Variants in CCDC9 observed in about 807,000 individuals in gnomAD.
CCDC9 encodes coiled-coil domain containing 9, also known as coiled-coil domain-containing protein 9.
In CCDC9, 52 loss-of-function variants were observed where a neutral mutation model predicts 65.6. That is an observed-to-expected ratio of 0.79 (90% CI 0.63 to 1.00). CCDC9 has a LOEUF of 1.00. Ranked by LOEUF, CCDC9 falls within the 50% of genes least tolerant of loss-of-function variation. The pLI is 0.00. For missense variants in CCDC9, 834 were observed against 757.2 expected, an observed-to-expected ratio of 1.10 and a Z score of -1.19; for synonymous variants, 332 against 280.3, an observed-to-expected ratio of 1.18 and a Z score of -1.84.
rs2059115937 is a variant in CCDC9, at chr19:47,271,369, G to A, written c.1287G>A (p.Glu429=). 3 of 1,613,612 alleles carry A rather than the reference G, an allele frequency of 1.9e-6. No individual in the cohort carries two copies. The South Asian group carries it at 3.3e-5, about 18-fold the overall frequency. ...ATGAAGAATGGGAGGACATAAGTGA[G>A]GATGAGGAAGAGGAGGAGATCGAGG... ...EEDEEWEDIS[E]DEEEEEIEVE... Residue 429 remains glutamate, a synonymous_variant, in exon 12 of 12, where the codon GAG becomes GAA. Transcript: ENST00000221922.
chr19:47,264,814 C>A lies in CCDC9; in HGVS notation c.588C>A (p.Asp196Glu). ...CCAACCCAGTGCGGAACTTCCTGGA[C>A]GACCCCCGGCGACGCAGCGGGCCCC... ...LEPNPVRNFL[D>E]DPRRRSGPLE... Residue 196 changes from aspartate (D) to glutamate (E), a missense_variant, in exon 7 of 12, where the codon GAC (aspartate) becomes GAA (glutamate). Asp to Glu is a conservative substitution (Grantham distance 45, BLOSUM62 2). Transcript: ENST00000221922. 6.4e-7 allele frequency: 1 copy of A among 1,565,950 alleles called. No individual in the cohort carries two copies. The highest frequency in any genetic ancestry group is 1.2e-5 in the South Asian group (1 of 84,012).
At chr19:47,262,328 T>G (rs1164073355) in intron 5 of CCDC9, among the ~76,000 whole-genome samples, 1 of 151,604 alleles carries the variant, frequency 6.6e-6, no homozygotes, top group Non-Finnish European at 1.5e-5. Context: ...GCAATTCTTG[T>G]GCTTCAGCCT....
intron 1 of CCDC9, chr19:47,257,665 G>C (rs1411353298): frequency 6.5e-6 from 1 of 153,178 alleles, no homozygotes; most frequent in Non-Finnish European, 1.5e-5. Context: ...GTGAGTTCTG[G>C]GCCTGTGTAC....
intron 1 of CCDC9, 89 bp from the exon 2 acceptor site, chr19:47,258,241 G>A (rs2059023545): frequency 2.8e-6 from 2 of 711,082 alleles, no homozygotes; most frequent in Non-Finnish European, 4.9e-6. Flanking sequence ...GGTTTTTTGT[G>A]TATGGCTGTG....
rs557344038 is a variant in CCDC9 at position 47,267,391 on chromosome 19, G to A, written c.902+599G>A. The stretch of plus-strand genomic sequence containing the variant: ...CCTCCCGTGTTCAAGCAATTCTCCT[G>A]CCTCCGCCTCCTGAGCAGCTGGGGT... On this transcript the variant is annotated intron_variant, in intron 8 of 11. Coordinates refer to ENST00000221922, the MANE Select transcript of CCDC9 (RefSeq NM_015603.3). Among the ~76,000 whole-genome samples the A allele has an allele frequency of 1.2e-4, 19 of 152,258 alleles. No homozygotes were observed. The East Asian group carries it at 1.5e-3, about 12-fold the overall frequency.
Position 47,264,459 on chromosome 19 carries a change from C to T in CCDC9, c.463-144C>T, listed in dbSNP as rs538246159. On this transcript the variant is annotated intron_variant, in intron 5 of 11. Coordinates refer to ENST00000221922, the MANE Select transcript of CCDC9 (RefSeq NM_015603.3). ...CCAGCCTCATCAGTTCACTGCTGAC[C>T]TGGAGCACGCTGAGAGCAAATGGTC... 6.8e-6 allele frequency: 5 copies of T among 739,472 alleles called. No homozygotes were observed. In the South Asian group the frequency reaches 8.4e-5, roughly 12 times the overall value. The allele number at this position is 739,472 out of a possible 1,614,324, so 45.8% of individuals were successfully genotyped here.
At chr19:47,272,234 TGGG>T (rs896958073), downstream of CCDC9, 3 of 955,802 alleles carry the variant, frequency 3.1e-6, no homozygotes, top group Non-Finnish European at 4.0e-6. Flanking sequence ...GCAGAGGGCT[TGGG>T]GGGAGTGGGG....
Position 47,271,168 on chromosome 19 carries a change from C to A in CCDC9, c.1172C>A (p.Pro391His). The A allele has an allele frequency of 6.3e-7, 1 of 1,598,006 alleles. No homozygotes were observed. Among genetic ancestry groups the A allele is most frequent in the South Asian group, 1.1e-5 (1 of 88,802 alleles). Residue 391 changes from proline to histidine, a missense_variant, in exon 11 of 12, where the codon CCC (proline) becomes CAC (histidine). Physicochemically the swap from Pro to His is moderately conservative, Grantham distance 77. Coordinates refer to ENST00000221922, the MANE Select transcript of CCDC9 (RefSeq NM_015603.3). ...CAGCCTACTTCCCCCGAGACTTCCC[C>A]CAAGGAGACACCCATGCAGGTGAGG... ...TPQPTSPETS[P>H]KETPMQPPEI...
intron 5 of CCDC9, among the ~76,000 whole-genome samples, chr19:47,262,196 G>A (rs2059050369): frequency 6.7e-6 from 1 of 150,110 alleles, no homozygotes; most frequent in South Asian, 2.1e-4. Flanking sequence ...GTCACTCAGG[G>A]ACCCAGGTTC....
At position 47,270,537 on chromosome 19, in the gene CCDC9, C is replaced by T; in HGVS notation, c.950-16C>T. 6.2e-7 allele frequency: 1 copy of T among 1,614,176 alleles called. No homozygotes were observed. Among genetic ancestry groups the T allele is most frequent in the Non-Finnish European group, 8.5e-7 (1 of 1,180,026 alleles). ...CCACACCTTCCCTTCCCAATGACAC[C>T]TGGGTTCTGTTGCAGATGACCAGGC... On this transcript the variant is annotated splice_polypyrimidine_tract_variant and intron_variant, in intron 9 of 11. Coordinates refer to ENST00000221922, the MANE Select transcript of CCDC9 (RefSeq NM_015603.3).
At chr19:47,274,921 T>C (rs2059146988), downstream of CCDC9, 2 of 1,246,638 alleles carry the variant, frequency 1.6e-6, no homozygotes, top group Non-Finnish European at 2.0e-6. Flanking sequence ...GCTGCGGGGA[T>C]GCGGGGGACC....
intron 10 of CCDC9, 73 bp downstream of exon 10, chr19:47,270,761 T>G: frequency 6.8e-7 from 1 of 1,468,492 alleles, no homozygotes; most frequent in Non-Finnish European, 9.1e-7. Flanking sequence ...TGGCTTGCTG[T>G]GAAGGTGTGG....
chr19:47,264,477 A>C (rs1043920073), intron 5 of CCDC9, 126 bp from the exon 6 acceptor site: 47 of 861,248 alleles, frequency 5.5e-5, no homozygotes, highest in Admixed American at 5.1e-4. Context: ...CGCTGAGAGC[A>C]AATGGTCAGA....
In CCDC9 at chr19:47,260,809, A is replaced by AGAC; in HGVS notation, c.433_435dup (p.Asp145dup). 1 of 1,613,264 alleles carries AGAC rather than the reference A, an allele frequency of 6.2e-7. No individual in the cohort carries two copies. Among genetic ancestry groups the AGAC allele is most frequent in the Non-Finnish European group, 8.5e-7 (1 of 1,179,618 alleles). Reference sequence around the variant, plus strand: ...GTTCACCTCACCTCTCTGGAGCTGGAGACACCTCAATCTCTGACCGTAAAT... The same window carrying AGAC: ...GTTCACCTCACCTCTCTGGAGCTGGAGACGACACCTCAATCTCTGACCGTAAAT... On this transcript the variant is annotated inframe_insertion, in exon 5 of 12. Coordinates refer to ENST00000221922, the MANE Select transcript of CCDC9 (RefSeq NM_015603.3).
downstream of CCDC9, chr19:47,273,848 G>A (rs2059139681): frequency 2.5e-6 from 1 of 407,670 alleles, no homozygotes. Context: ...CTTGAACTGT[G>A]TTTCTGGAGG....
At chr19:47,275,043 C>G (rs1214305253), downstream of CCDC9, 20 of 1,490,976 alleles carry the variant, frequency 1.3e-5, no homozygotes, top group South Asian at 6.3e-5. Flanking sequence ...CTGCGTCTCG[C>G]TAGCTGCCGT....
chr19:47,271,726 TGTGTGTGCGCGCGCGCGC>T lies in CCDC9; in HGVS notation c.*50_*67del, dbSNP rs771238089. ...GTGTGTGTGTGTGTGTGTGTGTGTG[TGTGTGTGCGCGCGCGCGC>T]GCGCGCGCGCGCGCGCTAGAGGGGT... is the stretch of plus-strand genomic sequence containing the variant. On this transcript the variant is annotated 3_prime_UTR_variant, in exon 12 of 12. Coordinates refer to ENST00000221922, the MANE Select transcript of CCDC9 (RefSeq NM_015603.3). 0.065 allele frequency: 71,960 copies of T among 1,112,256 alleles called. 520 individuals are homozygous for T. Among genetic ancestry groups the T allele is most frequent in the East Asian group, 0.25 (6,946 of 27,944 alleles). The allele number at this position is 1,112,256 out of a possible 1,614,324, so 68.9% of individuals were successfully genotyped here.
intron 7 of CCDC9, 143 bp downstream of exon 7, chr19:47,265,089 GCT>G (rs2059072822): frequency 4.6e-6 from 3 of 649,654 alleles, no homozygotes; most frequent in Non-Finnish European, 6.7e-6. Flanking sequence ...ACGGATTCTC[GCT>G]CTGTCACCCA....
At chr19:47,260,908 C>T in intron 5 of CCDC9, 69 bp downstream of exon 5, 2 of 1,533,274 alleles carry the variant, frequency 1.3e-6, no homozygotes, top group South Asian at 2.4e-5. Flanking sequence ...TTTTCCTCCT[C>T]TCAGATGCAC....
Sources: gnomAD v4.1 joint callset for allele counts (sites outside exome capture counted in the v4.1 genomes callset) on GRCh38, gnomAD v4.1.1 for gene constraint, MANE v1.5 for transcripts, NCBI Gene and HGNC (gene_info 2026-07-23, HGNC 2026-07-21) for gene names.